The following MYLK3 variants were observed in gnomAD, a reference collection of about 807,000 sequenced individuals.
MYLK3 encodes MLC kinase.
A neutral mutation model predicts 76.3 loss-of-function variants in MYLK3; 55 were observed. That is an observed-to-expected ratio of 0.72 (90% CI 0.58 to 0.90). The LOEUF (loss-of-function observed/expected upper bound fraction) is 0.90, where lower values mean the gene tolerates loss of function less well. Ranked by LOEUF, MYLK3 falls within the 40% of genes least tolerant of loss-of-function variation. The pLI is 0.00. For missense variants in MYLK3, 973 were observed against 1,053.6 expected (o/e 0.92, Z 1.06); for synonymous variants, 416 against 425.4 (o/e 0.98, Z 0.27).
intron 1 of MYLK3, among the ~76,000 whole-genome samples, chr16:46,746,330 C>T (rs1008714118): frequency 2.0e-5 from 3 of 152,166 alleles, no homozygotes; most frequent in African/African-American, 7.2e-5. Context: ...GACACACCAT[C>T]ATAGGACTAA....
chr16:46,754,710 C>T (rs1000020905), intron 1 of MYLK3, among the ~76,000 whole-genome samples: 1 of 152,158 alleles, frequency 6.6e-6, no homozygotes, highest in Non-Finnish European at 1.5e-5. Context: ...TAGACTACTA[C>T]ACATACCAAA....
intron 1 of MYLK3, among the ~76,000 whole-genome samples, chr16:46,742,976 G>A (rs1407075895): frequency 3.9e-5 from 6 of 152,166 alleles, no homozygotes; most frequent in African/African-American, 1.4e-4. Flanking sequence ...GACCTTGTTG[G>A]GCTCAAACTG....
At position 46,712,633 on chromosome 16, in the gene MYLK3, G is replaced by C; in HGVS notation, c.2114+15C>G. On this transcript the variant is annotated intron_variant, in intron 10 of 12. Coordinates refer to ENST00000394809, the MANE Select transcript of MYLK3 (RefSeq NM_182493.3). ...CCCCTGTCCCCACTTCAGAGCCAGG[G>C]TGCTAAGCACTCACAGCATGTAGGT... The C allele has an allele frequency of 6.8e-7, 1 of 1,469,362 alleles. No individual in the cohort carries two copies. Among genetic ancestry groups the C allele is most frequent in the Non-Finnish European group, 9.0e-7 (1 of 1,105,090 alleles). The allele number at this position is 1,469,362 out of a possible 1,614,324, so 91.0% of individuals were successfully genotyped here.
chr16:46,730,340 C>G (rs1429949949), intron 5 of MYLK3, among the ~76,000 whole-genome samples: 1 of 152,196 alleles, frequency 6.6e-6, no homozygotes, highest in East Asian at 1.9e-4. Flanking sequence ...CCCATACCCA[C>G]AGGGTGCCCG....
chr16:46,713,607 T>C (rs1000663235), intron 9 of MYLK3, among the ~76,000 whole-genome samples: 1 of 152,224 alleles, frequency 6.6e-6, no homozygotes, highest in Non-Finnish European at 1.5e-5. Flanking sequence ...ACACTTAAAA[T>C]CTATTCTCTT....
At chr16:46,748,363 G>T, upstream of MYLK3, 1 of 1,256,824 alleles carries the variant, frequency 8.0e-7, no homozygotes, top group Non-Finnish European at 1.1e-6. The surrounding 1 kb of genome is among the most constrained non-coding windows in gnomAD (Gnocchi z 4.3). Context: ...CAGAGGCCCA[G>T]GTTCTTCCTG....
chr16:46,715,891 A>G (rs1482555680), intron 9 of MYLK3, among the ~76,000 whole-genome samples: 3 of 152,204 alleles, frequency 2.0e-5, no homozygotes, highest in Admixed American at 1.3e-4. Flanking sequence ...AGCATGGAAT[A>G]TGCTTCCTTA....
At position 46,738,131 on chromosome 16, in the gene MYLK3, G is replaced by A. The variant is rs772851638; in HGVS notation, c.581C>T (p.Ala194Val). 29 of 1,537,718 alleles carry A rather than the reference G, an allele frequency of 1.9e-5. No individual in the cohort carries two copies. Among genetic ancestry groups the A allele is most frequent in the Admixed American group, 9.7e-5 (5 of 51,798 alleles). ...CTCCGCTGTCCCCTCCAGCACGTCC[G>A]CCTTCTGGCTCTCTACAGGAAAACA... is the stretch of plus-strand genomic sequence containing the variant. Reference protein sequence around the residue: ...AREPGEESQKADVLEGTAERL... With the variant: ...AREPGEESQKVDVLEGTAERL... Residue 194 changes from alanine (A) to valine (V), a missense_variant, in exon 3 of 13, where the codon GCG (alanine) becomes GTG (valine). Transcript: ENST00000394809.
intron 1 of MYLK3, among the ~76,000 whole-genome samples, chr16:46,742,469 C>CACACAG (rs1353679203): frequency 6.6e-6 from 1 of 151,532 alleles, no homozygotes; most frequent in Non-Finnish European, 1.5e-5. Flanking sequence ...CACACACACA[C>CACACAG]ACACACACAC....
intron 4 of MYLK3, among the ~76,000 whole-genome samples, chr16:46,730,939 C>T (rs781374049): frequency 6.6e-6 from 1 of 152,182 alleles, no homozygotes; most frequent in Non-Finnish European, 1.5e-5. Flanking sequence ...TTGGCAAGGC[C>T]GAGAAGTTCT....
intron 1 of MYLK3, among the ~76,000 whole-genome samples, chr16:46,740,820 G>C (rs1285588231): frequency 6.6e-6 from 1 of 152,116 alleles, no homozygotes; most frequent in Non-Finnish European, 1.5e-5. Flanking sequence ...CCAAAGTGCT[G>C]GGATTACAGA....
intron 1 of MYLK3, among the ~76,000 whole-genome samples, chr16:46,761,115 C>G (rs921289189): frequency 6.6e-6 from 1 of 152,094 alleles, no homozygotes; most frequent in Non-Finnish European, 1.5e-5. Context: ...TTGAGCTGAG[C>G]CTTGAATGAT....
At chr16:46,717,597 C>G (rs745898935) in intron 9 of MYLK3, among the ~76,000 whole-genome samples, 4 of 152,104 alleles carry the variant, frequency 2.6e-5, no homozygotes, top group Non-Finnish European at 4.4e-5. Context: ...AGGGCGCCCC[C>G]CCCACCTCCC....
At chr16:46,712,554 G>C (rs561126992) in intron 10 of MYLK3, 94 bp downstream of exon 10, 2 of 1,245,042 alleles carry the variant, frequency 1.6e-6, no homozygotes, top group South Asian at 4.6e-5. Flanking sequence ...CTCCCAAATA[G>C]ACTACTTGTG....
In MYLK3 at chr16:46,732,725, C is replaced by G. The variant is rs1437448720; in HGVS notation, c.1002-57G>C. On this transcript the variant is annotated intron_variant, in intron 3 of 12. Transcript: ENST00000394809. ...AGAGGCAAGGACTCTGGAGTCAGAA[C>G]AGACGTGGGTTCCAATGCCCACTGC... 6.6e-6 allele frequency: 9 copies of G among 1,360,590 alleles called. No individual in the cohort carries two copies. In the African/African-American group the frequency reaches 1.0e-4, roughly 15 times the overall value. The allele number at this position is 1,360,590 out of a possible 1,614,324, so 84.3% of individuals were successfully genotyped here.
intron 1 of MYLK3, among the ~76,000 whole-genome samples, chr16:46,753,779 G>A (rs1194165859): frequency 6.6e-6 from 1 of 152,158 alleles, no homozygotes; most frequent in East Asian, 1.9e-4. Flanking sequence ...TGGGTGTGGT[G>A]GCATGCACCT....
chr16:46,740,042 T>C lies in MYLK3; in HGVS notation c.568+15A>G, dbSNP rs2143016128. ...TGTCTGCAATGTTAGATAAAGCAAATGGGGTCCCACTCACCTTCCCCAGGC... is the reference window on the plus strand; with the variant it reads ...TGTCTGCAATGTTAGATAAAGCAAACGGGGTCCCACTCACCTTCCCCAGGC... On this transcript the variant is annotated intron_variant, in intron 2 of 12. Transcript: ENST00000394809. The C allele has an allele frequency of 6.3e-7, 1 of 1,598,502 alleles. No individual in the cohort carries two copies. The highest frequency in any genetic ancestry group is 1.7e-5 in the Admixed American group (1 of 59,272).
intron 9 of MYLK3, among the ~76,000 whole-genome samples, chr16:46,715,957 C>A (rs559653539): frequency 7.9e-5 from 12 of 152,298 alleles, no homozygotes; most frequent in African/African-American, 2.6e-4. Flanking sequence ...AGAAGCAGGC[C>A]AGTTTGGCAA....
At chr16:46,714,024 C>A (rs1001504963) in intron 9 of MYLK3, among the ~76,000 whole-genome samples, 1 of 151,828 alleles carries the variant, frequency 6.6e-6, no homozygotes, top group Admixed American at 6.6e-5. Context: ...AACCACAATT[C>A]CAAAAATAAA....
Sources: gnomAD v4.1 joint callset for allele counts (sites outside exome capture counted in the v4.1 genomes callset) on GRCh38, gnomAD v4.1.1 for gene constraint, Gnocchi (gnomAD v3.1) non-coding constraint, MANE v1.5 for transcripts, NCBI Gene and HGNC (gene_info 2026-07-23, HGNC 2026-07-21) for gene names.